Variants in ZNF532 observed in about 807,000 individuals in gnomAD.
The protein encoded by ZNF532 is zinc finger protein 532.
ZNF532 carries 22 observed loss-of-function variants against 89.3 expected under a neutral mutation model. That is an observed-to-expected ratio of 0.25 (90% CI 0.18 to 0.35). ZNF532 has a LOEUF of 0.35. Among genes scored for constraint, ZNF532 ranks in the 10% least tolerant of loss-of-function variants. The pLI, the probability that ZNF532 is intolerant of heterozygous loss-of-function variation, is 1.00. For missense variants in ZNF532, 1,132 were observed against 1,643.4 expected, an observed-to-expected ratio of 0.69 and a Z score of 5.38; for synonymous variants, 606 against 649.6, an observed-to-expected ratio of 0.93 and a Z score of 1.02.
chr18:58,960,751 T>C (rs1247516367), intron 7 of ZNF532, among the ~76,000 whole-genome samples: 1 of 152,210 alleles, frequency 6.6e-6, no homozygotes, highest in Non-Finnish European at 1.5e-5. Flanking sequence ...ATTGCATGGA[T>C]AGCTGACTCA....
chr18:58,884,856 A>G (rs929181787), intron 2 of ZNF532, among the ~76,000 whole-genome samples: 8 of 152,190 alleles, frequency 5.3e-5, no homozygotes, highest in African/African-American at 1.9e-4. Flanking sequence ...TATTTGAATA[A>G]CCCGTTTCAA....
rs1439258932 is a variant in ZNF532, at chr18:58,986,091, A to G, written c.*1625A>G. On this transcript the variant is annotated 3_prime_UTR_variant, in exon 10 of 10. Coordinates refer to ENST00000591808, the MANE Select transcript of ZNF532 (RefSeq NM_001375912.1). Reference sequence around the variant, plus strand: ...AATGGCATATTCGTTCTCATTAGTAATCAGCTATTTTGTCACTTTCTTGTT... The same window carrying G: ...AATGGCATATTCGTTCTCATTAGTAGTCAGCTATTTTGTCACTTTCTTGTT... 1 of 152,570 alleles carries G rather than the reference A, an allele frequency of 6.6e-6. No individual in the cohort carries two copies. The highest frequency in any genetic ancestry group is 1.5e-5 in the Non-Finnish European group (1 of 68,030). 9.5% of individuals were successfully genotyped at this position (152,570 alleles called of 1,614,324 possible).
In ZNF532 at chr18:58,919,021, G is replaced by A; in HGVS notation, c.734G>A (p.Ser245Asn). The change falls in exon 3 of 10, where the codon AGC (serine) becomes AAC (asparagine). Residue 245 changes from serine (S) to asparagine (N), a missense_variant. By Grantham distance (46) the Ser-to-Asn change is conservative. Around this residue, in one of 9 missense-constraint regions of ZNF532, gnomAD observed 302 missense variants for 319.8 expected, o/e 0.94. Transcript: ENST00000591808. The surrounding 1 kb of genome is among the most constrained non-coding windows in gnomAD (Gnocchi z 6.1). ...LENRVLDGKL[S>N]SEKNDTSLPS... ...AACAGAGTCCTAGATGGGAAGCTGA[G>A]CTCCGAGAAGAATGACACCAGCCTC... is the stretch of plus-strand genomic sequence containing the variant. 1 of 1,613,610 alleles carries A rather than the reference G, an allele frequency of 6.2e-7. No individual in the cohort carries two copies. Among genetic ancestry groups the A allele is most frequent in the South Asian group, 1.1e-5 (1 of 91,078 alleles).
chr18:58,911,354 T>G (rs1337149879), intron 2 of ZNF532, among the ~76,000 whole-genome samples: 1 of 152,140 alleles, frequency 6.6e-6, no homozygotes, highest in Non-Finnish European at 1.5e-5. Flanking sequence ...TCTTGACTGG[T>G]GACTATGATT....
intron 2 of ZNF532, among the ~76,000 whole-genome samples, chr18:58,897,725 G>A (rs2059339205): frequency 6.6e-6 from 1 of 152,248 alleles, no homozygotes; most frequent in Non-Finnish European, 1.5e-5. Flanking sequence ...GCCCGAGGCA[G>A]GCAGATCACC....
chr18:58,919,413 A>T lies in ZNF532; in HGVS notation c.1126A>T (p.Thr376Ser), dbSNP rs766932839. ...GACATCTTCTGGGGAAATCAAGAGA[A>T]CAGTGACCAGGGTATTGCCAGAAGT... ...IKTSSGEIKR[T>S]VTRVLPEVDL... Residue 376 changes from threonine to serine, a missense_variant, in exon 3 of 10, where the codon ACA becomes TCA. Thr to Ser is a moderately conservative substitution (Grantham distance 58, BLOSUM62 1). Coordinates refer to ENST00000591808, the MANE Select transcript of ZNF532 (RefSeq NM_001375912.1). The surrounding 1 kb of genome is among the most constrained non-coding windows in gnomAD (Gnocchi z 6.1). The T allele has an allele frequency of 1.9e-6, 3 of 1,614,218 alleles. No homozygotes were observed. Among genetic ancestry groups the T allele is most frequent in the Non-Finnish European group, 2.5e-6 (3 of 1,180,034 alleles).
chr18:58,931,933 C>G (rs2061998382), intron 3 of ZNF532, among the ~76,000 whole-genome samples: 2 of 152,044 alleles, frequency 1.3e-5, no homozygotes, highest in Middle Eastern at 3.2e-3. Context: ...AAGTGAGACA[C>G]TATCTCAAAA....
At chr18:58,876,623 A>C (rs2057453228) in intron 2 of ZNF532, among the ~76,000 whole-genome samples, 1 of 152,128 alleles carries the variant, frequency 6.6e-6, no homozygotes, top group African/African-American at 2.4e-5. Context: ...GCATTACTCC[A>C]CCTTTGATAT....
intron 2 of ZNF532, among the ~76,000 whole-genome samples, chr18:58,889,487 T>C (rs888107778): frequency 6.6e-5 from 10 of 152,198 alleles, no homozygotes; most frequent in Non-Finnish European, 1.5e-5. Context: ...TTTCCAGAAG[T>C]GGAGTGGGTG....
chr18:58,878,897 C>A (rs1351685518), intron 2 of ZNF532, among the ~76,000 whole-genome samples: 1 of 152,200 alleles, frequency 6.6e-6, no homozygotes, highest in Non-Finnish European at 1.5e-5. Context: ...CTTTTGCTTC[C>A]CCCTTAGTAG....
At chr18:58,879,490 C>T (rs541015943) in intron 2 of ZNF532, among the ~76,000 whole-genome samples, 49 of 152,216 alleles carry the variant, frequency 3.2e-4, no homozygotes, top group African/African-American at 8.9e-4. Context: ...CTCCGCCTCC[C>T]GGATTCTCTT....
At chr18:58,966,447 C>T (rs1221692620) in intron 7 of ZNF532, among the ~76,000 whole-genome samples, 1 of 152,080 alleles carries the variant, frequency 6.6e-6, no homozygotes, top group East Asian at 1.9e-4. Context: ...GGATCATGAA[C>T]AAGAATCTGG....
intron 5 of ZNF532, among the ~76,000 whole-genome samples, chr18:58,941,965 TCCCTCCC>T (rs2063099217): frequency 8.2e-6 from 1 of 121,586 alleles, no homozygotes; most frequent in South Asian, 3.5e-4. Flanking sequence ...CCTCCCTCTC[TCCCTCCC>T]TCCCTCCTTC....
rs1603351878 is a variant in ZNF532 at position 58,981,177 on chromosome 18, G to A, written c.3264-293G>A. On this transcript the variant is annotated intron_variant, in intron 8 of 9. Coordinates refer to ENST00000591808, the MANE Select transcript of ZNF532 (RefSeq NM_001375912.1). ...ACAGCAGCACAAAGGAGTCAAGGAG[G>A]GACCTTATACTAATGTGTTCAGCAT... 8.8e-6 allele frequency: 3 copies of A among 340,520 alleles called. No individual in the cohort carries two copies. The East Asian group carries it at 2.2e-4, about 25-fold the overall frequency. 21.1% of individuals were successfully genotyped at this position (340,520 alleles called of 1,614,324 possible). A position where few individuals can be genotyped will look rare whatever the true frequency, so the allele number is the denominator to read the frequency against.
chr18:58,884,508 A>G (rs1164308126), intron 2 of ZNF532, among the ~76,000 whole-genome samples: 1 of 152,264 alleles, frequency 6.6e-6, no homozygotes, highest in African/African-American at 2.4e-5. Context: ...TGGAAGGCTT[A>G]TTCAGGTGAC....
At chr18:58,963,452 A>G (rs2065563791) in intron 7 of ZNF532, among the ~76,000 whole-genome samples, 1 of 152,184 alleles carries the variant, frequency 6.6e-6, no homozygotes, top group South Asian at 2.1e-4. Context: ...AGATGACCAC[A>G]GCCACTGAGG....
chr18:58,957,733 A>G (rs1002980799), intron 7 of ZNF532, among the ~76,000 whole-genome samples: 5 of 152,138 alleles, frequency 3.3e-5, no homozygotes, highest in African/African-American at 9.7e-5. Context: ...ATACAGTTCA[A>G]TTTATTGAGT....
At chr18:58,978,841 AAT>A (rs2067364755) in intron 7 of ZNF532, among the ~76,000 whole-genome samples, 1 of 152,174 alleles carries the variant, frequency 6.6e-6, no homozygotes, top group African/African-American at 2.4e-5. Context: ...ACTTTTATAA[AAT>A]AATTTTAATT....
chr18:58,874,093 C>CT (rs935012139), intron 2 of ZNF532, among the ~76,000 whole-genome samples: 18 of 151,538 alleles, frequency 1.2e-4, no homozygotes, highest in African/African-American at 3.9e-4. Flanking sequence ...AGTCCCAGGA[C>CT]TTTTTTTTTC....
Sources: allele counts gnomAD v4.1 joint callset (sites outside exome capture counted in the v4.1 genomes callset), GRCh38; gene constraint gnomAD v4.1.1; regional missense constraint gnomAD v4.1.1; non-coding constraint Gnocchi (gnomAD v3.1); transcripts MANE v1.5; gene names NCBI Gene and HGNC (gene_info 2026-07-23, HGNC 2026-07-21).